ZBTB8OS: variants seen among roughly 807,000 people sequenced by gnomAD.
The protein encoded by ZBTB8OS is tRNA splicing ligase complex subunit 1.
Under a neutral mutation model 29.3 loss-of-function variants are expected in ZBTB8OS, and 16 were observed. The ratio of observed to expected loss-of-function variants is 0.55; its 90% CI spans 0.37 to 0.83. ZBTB8OS has a LOEUF of 0.83. ZBTB8OS is among the 40% of genes least tolerant of loss of function. The probability of loss-of-function intolerance (pLI) is 0.00; values close to 1 mark genes in which losing one functional copy is unlikely to be tolerated. For missense variants in ZBTB8OS, 160 were observed against 196.9 expected (o/e 0.81, Z 1.12); for synonymous variants, 70 against 64.6 (o/e 1.08, Z -0.40).
chr1:32,624,003 T>C (rs796980776), intron 6 of ZBTB8OS, among the ~76,000 whole-genome samples: 12 of 152,222 alleles, frequency 7.9e-5, no homozygotes, highest in African/African-American at 2.9e-4. Context: ...GGAGATCTGA[T>C]GGTTTTCTAA....
At chr1:32,628,226 G>A (rs1016672289) in intron 5 of ZBTB8OS, among the ~76,000 whole-genome samples, 1 of 151,570 alleles carries the variant, frequency 6.6e-6, no homozygotes, top group African/African-American at 2.4e-5. Flanking sequence ...GCGTGGTGGC[G>A]CATGTCTGTA....
intron 6 of ZBTB8OS, among the ~76,000 whole-genome samples, chr1:32,624,010 C>T (rs1246002988): frequency 6.6e-6 from 1 of 152,066 alleles, no homozygotes; most frequent in East Asian, 1.9e-4. Context: ...TGATGGTTTT[C>T]TAAGGGGCTT....
rs944012192 is a variant in ZBTB8OS at position 32,637,602 on chromosome 1, C to T, written c.98-2810G>A. 2.8e-4 allele frequency among the ~76,000 whole-genome samples: 42 copies of T among 151,782 alleles called. 1 individual carries two copies. The highest frequency in any genetic ancestry group is 2.8e-3 in the Admixed American group (42 of 15,212). ...AAGAATCTAAACTGTGTGGTTCCATCTATATGAAAACTAAAATGGGCAAAA... is the reference window on the plus strand; with the variant it reads ...AAGAATCTAAACTGTGTGGTTCCATTTATATGAAAACTAAAATGGGCAAAA... On this transcript the variant is annotated intron_variant, in intron 1 of 6. Transcript: ENST00000468695.
At chr1:32,649,583 C>A (rs988136489) in intron 1 of ZBTB8OS, among the ~76,000 whole-genome samples, 2 of 151,158 alleles carry the variant, frequency 1.3e-5, no homozygotes, top group East Asian at 1.9e-4. Context: ...GGGCTATGAT[C>A]GCTCCATTGC....
chr1:32,650,507 A>C lies in ZBTB8OS; in HGVS notation c.23T>G (p.Val8Gly). Residue 8 changes from valine (V) to glycine (G), a missense_variant, in exon 1 of 7, where the codon GTT (valine) becomes GGT (glycine). By Grantham distance (109) the Val-to-Gly change is moderately radical (BLOSUM62 -3). Transcript: ENST00000468695. Reference sequence around the variant, plus strand: ...TTCTTCAGTCAAATTGTAATCTCTAACATCTTCCTCTTCCTGCGCCATGAC... The same window carrying C: ...TTCTTCAGTCAAATTGTAATCTCTACCATCTTCCTCTTCCTGCGCCATGAC... The part of the protein sequence containing the change: MAQEEED[V>G]RDYNLTEEQK... The C allele has an allele frequency of 6.2e-7, 1 of 1,614,082 alleles. No individual in the cohort carries two copies.
chr1:32,629,812 GCAC>G, intron 5 of ZBTB8OS, among the ~76,000 whole-genome samples: 1 of 148,744 alleles, frequency 6.7e-6, no homozygotes, highest in South Asian at 2.1e-4. Flanking sequence ...GAGTGCAGTG[GCAC>G]AATCTTGGCT....
chr1:32,629,208 TGA>T (rs1274825353), intron 5 of ZBTB8OS, among the ~76,000 whole-genome samples: 1 of 151,192 alleles, frequency 6.6e-6, no homozygotes, highest in East Asian at 2.0e-4. Context: ...CTCAGGGGTT[TGA>T]GACCAGCCTG....
intron 1 of ZBTB8OS, 137 bp downstream of exon 1, chr1:32,650,296 C>CT (rs1171825701): frequency 8.1e-7 from 1 of 1,229,160 alleles, no homozygotes; most frequent in Non-Finnish European, 1.1e-6. Context: ...ACGAACGCGA[C>CT]TACAACAGCC....
At chr1:32,627,588 TTA>T (rs775901270) in intron 5 of ZBTB8OS, 44 bp from the exon 6 acceptor site, 2 of 1,582,346 alleles carry the variant, frequency 1.3e-6, no homozygotes, top group South Asian at 1.1e-5. Context: ...TGTTCTCTCT[TTA>T]TATGTTTTAA....
At position 32,631,895 on chromosome 1, in the gene ZBTB8OS, A is replaced by G. The variant is rs113103066; in HGVS notation, c.328-16T>C. On this transcript the variant is annotated splice_polypyrimidine_tract_variant and intron_variant, in intron 4 of 6. Coordinates refer to ENST00000468695, the MANE Select transcript of ZBTB8OS (RefSeq NM_178547.5). The stretch of plus-strand genomic sequence containing the variant: ...CTTTCACTTCCTAGACAGGAAGAAA[A>G]ATTTTTTAATTAAAAAAAGTTCATA... 1.4e-6 allele frequency: 2 copies of G among 1,466,016 alleles called. No individual in the cohort carries two copies. Among genetic ancestry groups the G allele is most frequent in the South Asian group, 1.3e-5 (1 of 74,172 alleles). The allele number at this position is 1,466,016 out of a possible 1,614,324, so 90.8% of individuals were successfully genotyped here.
intron 1 of ZBTB8OS, among the ~76,000 whole-genome samples, chr1:32,644,707 T>TGC (rs1646707887): frequency 7.1e-6 from 1 of 141,172 alleles, no homozygotes; most frequent in African/African-American, 2.7e-5. Flanking sequence ...CACCCAGCTT[T>TGC]TTTTTTTTTT....
At chr1:32,645,959 G>GTA (rs1646796153) in intron 1 of ZBTB8OS, among the ~76,000 whole-genome samples, 1 of 152,194 alleles carries the variant, frequency 6.6e-6, no homozygotes, top group South Asian at 2.1e-4. Context: ...TTATACAAGT[G>GTA]TACTCAGTTT....
intron 4 of ZBTB8OS, 54 bp from the exon 5 acceptor site, chr1:32,631,933 CT>C: frequency 1.2e-6 from 1 of 823,434 alleles, no homozygotes; most frequent in Non-Finnish European, 1.7e-6. Flanking sequence ...AGACTATCTA[CT>C]AAAAATCTTT....
At chr1:32,622,012 T>G (rs1337225592) in intron 6 of ZBTB8OS, 64 bp from the exon 7 acceptor site, 3 of 1,171,622 alleles carry the variant, frequency 2.6e-6, no homozygotes, top group Non-Finnish European at 3.6e-6. Flanking sequence ...TCATAATCAT[T>G]AACTCTAGCA....
upstream of ZBTB8OS, chr1:32,650,673 T>G: frequency 6.8e-7 from 1 of 1,470,934 alleles, no homozygotes; most frequent in East Asian, 2.3e-5. Flanking sequence ...TGACCTACTT[T>G]AGTCCCTACC....
chr1:32,632,547 T>TG (rs1204516341), intron 4 of ZBTB8OS, among the ~76,000 whole-genome samples: 1 of 152,188 alleles, frequency 6.6e-6, no homozygotes, highest in African/African-American at 2.4e-5. Context: ...CTGGAGTAGC[T>TG]GGGACCACAG....
chr1:32,624,359 G>A (rs1179719128), intron 6 of ZBTB8OS, among the ~76,000 whole-genome samples: 1 of 152,038 alleles, frequency 6.6e-6, no homozygotes, highest in African/African-American at 2.4e-5. Context: ...CTCAGTAAGG[G>A]CAGAGACTTC....
At chr1:32,626,181 T>C (rs1416787400) in intron 6 of ZBTB8OS, among the ~76,000 whole-genome samples, 1 of 152,220 alleles carries the variant, frequency 6.6e-6, no homozygotes, top group Non-Finnish European at 1.5e-5. Flanking sequence ...CCTATAATAC[T>C]GTATTTTTAC....
chr1:32,636,808 T>C (rs747042547), intron 1 of ZBTB8OS, among the ~76,000 whole-genome samples: 13 of 151,994 alleles, frequency 8.6e-5, no homozygotes, highest in Non-Finnish European at 1.9e-4. Flanking sequence ...CAGGAGAATA[T>C]GTTTGTTCTA....
Sources: allele counts gnomAD v4.1 joint callset (sites outside exome capture counted in the v4.1 genomes callset), GRCh38; gene constraint gnomAD v4.1.1; transcripts MANE v1.5; gene names NCBI Gene and HGNC (gene_info 2026-07-23, HGNC 2026-07-21).